Variants in DAZL observed in about 807,000 individuals in gnomAD.
The protein encoded by DAZL is deleted in azoospermia-like.
In DAZL, 4 loss-of-function variants were observed where a neutral mutation model predicts 45.0. The observed-to-expected ratio is 0.09, with a 90% CI of 0.04 to 0.20. The LOEUF (loss-of-function observed/expected upper bound fraction) is 0.20, where lower values mean the gene tolerates loss of function less well. DAZL is among the 10% of genes least tolerant of loss of function. The pLI, the probability that DAZL is intolerant of heterozygous loss-of-function variation, is 1.00. For synonymous variants in DAZL, 122 were observed against 112.4 expected, an observed-to-expected ratio of 1.09 and a Z score of -0.54; for missense variants, 326 against 351.3, an observed-to-expected ratio of 0.93 and a Z score of 0.58.
intron 3 of DAZL, among the ~76,000 whole-genome samples, chr3:16,597,853 A>G (rs1210970768): frequency 6.6e-6 from 1 of 152,242 alleles, no homozygotes; most frequent in Non-Finnish European, 1.5e-5. Context: ...TGTATGAAGA[A>G]AACAGTTCTT....
At position 16,587,930 on chromosome 3, in the gene DAZL, T is replaced by G; in HGVS notation, c.*730A>C. The G allele has an allele frequency of 1.3e-5, 2 of 154,974 alleles. No homozygotes were observed. Among genetic ancestry groups the G allele is most frequent in the Non-Finnish European group, 2.9e-5 (2 of 70,048 alleles). The allele number at this position is 154,974 out of a possible 1,614,324, so 9.6% of individuals were successfully genotyped here. Reference sequence around the variant, plus strand: ...ACAAAAAAGAAGAATGGTGACTCATTGAGAAGCTTATGTACCTAGTAAAGT... The same window carrying G: ...ACAAAAAAGAAGAATGGTGACTCATGGAGAAGCTTATGTACCTAGTAAAGT... On this transcript the variant is annotated 3_prime_UTR_variant, in exon 11 of 11. Coordinates refer to ENST00000399444, the MANE Select transcript of DAZL (RefSeq NM_001351.4).
At chr3:16,604,126 T>A (rs1001241428) in intron 1 of DAZL, among the ~76,000 whole-genome samples, 22 of 152,222 alleles carry the variant, frequency 1.4e-4, no homozygotes, top group African/African-American at 5.3e-4. Context: ...TTATTTTTAT[T>A]TTAATGTTTA....
At chr3:16,595,417 A>C in intron 6 of DAZL, 32 bp from the exon 7 acceptor site, 1 of 1,262,154 alleles carries the variant, frequency 7.9e-7, no homozygotes, top group African/African-American at 1.5e-5. Context: ...AGAATGAATA[A>C]TATAAAACAT....
intron 1 of DAZL, among the ~76,000 whole-genome samples, chr3:16,601,320 C>G (rs974631443): frequency 2.6e-5 from 4 of 152,170 alleles, no homozygotes; most frequent in Admixed American, 6.5e-5. Context: ...TGGCTTGGAT[C>G]TTACAAACTG....
intron 1 of DAZL, chr3:16,604,748 G>A (rs1369480578): frequency 1.5e-6 from 2 of 1,362,974 alleles, no homozygotes; most frequent in South Asian, 1.9e-5. Flanking sequence ...CACGGGGAGA[G>A]CGCGCCAGAA....
chr3:16,591,355 C>T (rs956584168), intron 10 of DAZL, among the ~76,000 whole-genome samples: 2 of 152,134 alleles, frequency 1.3e-5, no homozygotes, highest in African/African-American at 4.8e-5. Context: ...CACTTTACCC[C>T]TTTTCTCCCT....
rs1694473342 is a variant in DAZL, at chr3:16,588,607, A to G, written c.*53T>C. 7.2e-7 allele frequency: 1 copy of G among 1,382,680 alleles called. No individual in the cohort carries two copies. The highest frequency in any genetic ancestry group is 1.7e-5 in the Admixed American group (1 of 59,636). The allele number at this position is 1,382,680 out of a possible 1,614,324, so 85.7% of individuals were successfully genotyped here. A position where few individuals can be genotyped will look rare whatever the true frequency, so the allele number is the denominator to read the frequency against. ...ATTTCTATAATAGTGGAAACCTTTTAGCTTAATATTCAAAACCAGCAACTT... is the reference window on the plus strand; with the variant it reads ...ATTTCTATAATAGTGGAAACCTTTTGGCTTAATATTCAAAACCAGCAACTT... On this transcript the variant is annotated 3_prime_UTR_variant, in exon 11 of 11. Coordinates refer to ENST00000399444, the MANE Select transcript of DAZL (RefSeq NM_001351.4).
At chr3:16,598,402 C>A in intron 2 of DAZL, 50 bp downstream of exon 2, 1 of 1,595,702 alleles carries the variant, frequency 6.3e-7, no homozygotes, top group South Asian at 1.1e-5. Context: ...GGCCCAAATC[C>A]CATTATTCAT....
At chr3:16,597,439 C>G in intron 4 of DAZL, 51 bp downstream of exon 4, 1 of 1,167,538 alleles carries the variant, frequency 8.6e-7, no homozygotes, top group Non-Finnish European at 1.3e-6. Context: ...TCACTTGACA[C>G]TAAACATTGT....
At chr3:16,603,588 C>T (rs1037555143) in intron 1 of DAZL, among the ~76,000 whole-genome samples, 2 of 152,080 alleles carry the variant, frequency 1.3e-5, no homozygotes, top group Admixed American at 6.5e-5. Context: ...CTCAAGTGAT[C>T]CACCCGCCTC....
chr3:16,599,445 T>C (rs1694650165), intron 1 of DAZL, among the ~76,000 whole-genome samples: 1 of 152,210 alleles, frequency 6.6e-6, no homozygotes, highest in South Asian at 2.1e-4. Context: ...ATGCCTGCTT[T>C]ACTTTGGAAA....
At position 16,605,336 on chromosome 3, in the gene DAZL, G is replaced by A. The variant is rs1694763110; in HGVS notation, c.-131C>T. 5 of 1,150,582 alleles carry A rather than the reference G, an allele frequency of 4.3e-6. No homozygotes were observed. Among genetic ancestry groups the A allele is most frequent in the Non-Finnish European group, 6.6e-6 (5 of 759,714 alleles). The allele number at this position is 1,150,582 out of a possible 1,614,324, so 71.3% of individuals were successfully genotyped here. A position where few individuals can be genotyped will look rare whatever the true frequency, so the allele number is the denominator to read the frequency against. ...GCTTCGAGTGGTCAAAGGAGCCAAA[G>A]ATGAAGAGAAAAGGAAAACCAAGAG... On this transcript the variant is annotated 5_prime_UTR_variant, in exon 1 of 11. Transcript: ENST00000399444.
chr3:16,604,406 T>C, intron 1 of DAZL: 1 of 1,506,890 alleles, frequency 6.6e-7, no homozygotes, highest in Non-Finnish European at 8.9e-7. Context: ...ATTTAAAAAT[T>C]CTAAAATTCT....
intron 8 of DAZL, 119 bp from the exon 9 acceptor site, chr3:16,593,887 A>C (rs1421434253): frequency 1.6e-6 from 1 of 638,464 alleles, no homozygotes; most frequent in African/African-American, 1.9e-5. Flanking sequence ...GTTGAAATTC[A>C]ATTATATTAT....
intron 10 of DAZL, among the ~76,000 whole-genome samples, chr3:16,591,837 A>G (rs564326106): frequency 1.3e-4 from 20 of 152,310 alleles, no homozygotes; most frequent in African/African-American, 4.6e-4. Flanking sequence ...CTGCTGAAGG[A>G]TTCTTCCCTA....
intron 9 of DAZL, 123 bp from the exon 10 acceptor site, chr3:16,592,271 A>G (rs572144738): frequency 6.1e-5 from 88 of 1,434,288 alleles, no homozygotes; most frequent in Admixed American, 1.7e-4. Context: ...AAAATGCTAA[A>G]AGAGACTGGG....
At chr3:16,591,999 T>C (rs1216580380) in intron 10 of DAZL, 51 bp downstream of exon 10, 2 of 1,566,962 alleles carry the variant, frequency 1.3e-6, no homozygotes, top group Non-Finnish European at 1.8e-6. Context: ...AACAGATACT[T>C]TAAAGCTAAC....
chr3:16,605,111 G>A, intron 1 of DAZL, 92 bp downstream of exon 1: 1 of 1,514,618 alleles, frequency 6.6e-7, no homozygotes, highest in Non-Finnish European at 9.2e-7. Flanking sequence ...GAAAGCCGAG[G>A]ATGACTTCAC....
In DAZL at chr3:16,591,433, A is replaced by ATTT. The variant is rs200206679; in HGVS notation, c.834+614_834+616dup. The stretch of plus-strand genomic sequence containing the variant: ...CTTCTCTATAGTCCAATATGCATGT[A>ATTT]TTTTTTTTTTTTTTGAGACAAGGTC... On this transcript the variant is annotated intron_variant, in intron 10 of 10. Coordinates refer to ENST00000399444, the MANE Select transcript of DAZL (RefSeq NM_001351.4). Among the ~76,000 whole-genome samples, 138 of 143,806 alleles carry ATTT rather than the reference A, an allele frequency of 9.6e-4. 2 individuals are homozygous for ATTT. The highest frequency in any genetic ancestry group is 3.4e-3 in the Middle Eastern group (1 of 290). 94.3% of individuals were successfully genotyped at this position (143,806 alleles called of 152,430 possible).
Sources: gnomAD v4.1 joint callset for allele counts (sites outside exome capture counted in the v4.1 genomes callset) on GRCh38, gnomAD v4.1.1 for gene constraint, MANE v1.5 for transcripts, NCBI Gene and HGNC (gene_info 2026-07-23, HGNC 2026-07-21) for gene names.